The following PNPLA5 variants were observed in gnomAD, a reference collection of about 807,000 sequenced individuals.
PNPLA5 encodes patatin like domain 5, triacylglycerol lipase.
In PNPLA5, 44 loss-of-function variants were observed where a neutral mutation model predicts 49.1. The observed-to-expected ratio is 0.90, with a 90% CI of 0.70 to 1.15. The LOEUF is 1.15. PNPLA5 is among the 50% of genes most tolerant of loss of function. The probability of loss-of-function intolerance (pLI) is 0.00; values close to 1 mark genes in which losing one functional copy is unlikely to be tolerated. For synonymous variants in PNPLA5, 243 were observed against 244.4 expected (o/e 0.99, Z 0.06); for missense variants, 603 against 564.0 (o/e 1.07, Z -0.70).
rs920182625 is a variant in PNPLA5 at position 43,880,347 on chromosome 22, G to T, written c.*448C>A. On this transcript the variant is annotated 3_prime_UTR_variant, in exon 9 of 9. Coordinates refer to ENST00000216177, the MANE Select transcript of PNPLA5 (RefSeq NM_138814.4). ...ATGCCGGGGGTCACCCCCAAGGGCC[G>T]CTGCAGGACTGAGAAAGTCTGGGGG... 3 of 398,428 alleles carry T rather than the reference G, an allele frequency of 7.5e-6. No homozygotes were observed. Among genetic ancestry groups the T allele is most frequent in the East Asian group, 7.1e-5 (2 of 28,062 alleles). 24.7% of individuals were successfully genotyped at this position (398,428 alleles called of 1,614,324 possible). A position where few individuals can be genotyped will look rare whatever the true frequency, so the allele number is the denominator to read the frequency against.
Position 43,891,209 on chromosome 22 carries a change from G to T in PNPLA5, c.279C>A (p.Ile93=). The part of the protein sequence containing the change: ...LSILHPAYAP[I]EHVKQQLQDA... ...CCTGCAGCTGCTGCTTGACGTGCTC[G>T]ATGGGCGCGTAGGCCGGGTGCAGGA... is the stretch of plus-strand genomic sequence containing the variant. The change falls in exon 2 of 9, where the codon ATC becomes ATA. Residue 93 remains isoleucine, a synonymous_variant. Coordinates refer to ENST00000216177, the MANE Select transcript of PNPLA5 (RefSeq NM_138814.4). 1 of 1,582,004 alleles carries T rather than the reference G, an allele frequency of 6.3e-7. No individual in the cohort carries two copies.
rs147288997 is a variant in PNPLA5 at position 43,887,070 on chromosome 22, A to AACACACAC, written c.763+513_763+520dup. Among the ~76,000 whole-genome samples, 798 of 149,570 alleles carry AACACACAC rather than the reference A, an allele frequency of 5.3e-3. 1 individual carries two copies. The highest frequency in any genetic ancestry group is 0.014 in the Middle Eastern group (4 of 286). On this transcript the variant is annotated intron_variant, in intron 5 of 8. Coordinates refer to ENST00000216177, the MANE Select transcript of PNPLA5 (RefSeq NM_138814.4). ...TCTCTGGCACACCCACTGCCCCATG[A>AACACACAC]ACACACACACACACACACACACCCC...
At chr22:43,888,423 C>CT (rs2049689002) in intron 4 of PNPLA5, among the ~76,000 whole-genome samples, 7 of 62,400 alleles carry the variant, frequency 1.1e-4, no homozygotes, top group Admixed American at 4.3e-4. Context: ...TCTTTCTTTC[C>CT]TTCTTTTTTT....
chr22:43,889,115 G>C (rs2049695736), intron 4 of PNPLA5, among the ~76,000 whole-genome samples: 1 of 152,234 alleles, frequency 6.6e-6, no homozygotes, highest in South Asian at 2.1e-4. Context: ...CATGGGGCCA[G>C]TCCTCATTCA....
At chr22:43,886,722 G>A in intron 5 of PNPLA5, 1 of 576,160 alleles carries the variant, frequency 1.7e-6, no homozygotes, top group Non-Finnish European at 2.2e-6. Context: ...ACACAATCCA[G>A]AGTTCGAATT....
At position 43,889,549 on chromosome 22, in the gene PNPLA5, TG is replaced by T; in HGVS notation, c.493-12del. The T allele has an allele frequency of 1.3e-6, 2 of 1,593,584 alleles. No individual in the cohort carries two copies. Among genetic ancestry groups the T allele is most frequent in the Non-Finnish European group, 1.7e-6 (2 of 1,167,832 alleles). The stretch of plus-strand genomic sequence containing the variant: ...CCCATCGATGTAGCGCTGCAATTTG[TG>T]GGGAGCAGGTGGGTGGTGCTGCCCT... On this transcript the variant is annotated splice_polypyrimidine_tract_variant and intron_variant, in intron 3 of 8. Transcript: ENST00000216177.
At position 43,884,276 on chromosome 22, in the gene PNPLA5, A is replaced by G; in HGVS notation, c.1019T>C (p.Val340Ala). Residue 340 changes from valine to alanine, a missense_variant, in exon 7 of 9, where the codon GTG (valine) becomes GCG (alanine). Transcript: ENST00000216177. ...ARFWHSGPGQ[V>A]LTYLLLPCTL... ...GCAGGGTAGCAGCAGGTACGTCAGCACCTGTCCAGGCCCCGAGTGCCAGAA... is the reference window on the plus strand; with the variant it reads ...GCAGGGTAGCAGCAGGTACGTCAGCGCCTGTCCAGGCCCCGAGTGCCAGAA... The G allele has an allele frequency of 6.3e-7, 1 of 1,598,884 alleles. No individual in the cohort carries two copies. The highest frequency in any genetic ancestry group is 8.5e-7 in the Non-Finnish European group (1 of 1,172,630).
intron 8 of PNPLA5, among the ~76,000 whole-genome samples, chr22:43,881,320 C>A (rs1298279859): frequency 6.6e-6 from 1 of 152,222 alleles, no homozygotes; most frequent in Non-Finnish European, 1.5e-5. Flanking sequence ...CCAGTGACTG[C>A]ACCTGGCAGG....
chr22:43,886,650 G>A, intron 5 of PNPLA5, 162 bp from the exon 6 acceptor site: 1 of 959,184 alleles, frequency 1.0e-6, no homozygotes, highest in Non-Finnish European at 1.2e-6. Flanking sequence ...CCTTCCCCTG[G>A]CCCTGCTCTG....
In PNPLA5 at chr22:43,891,835, C is replaced by T. The variant is rs893463576; in HGVS notation, c.46G>A (p.Gly16Ser). Residue 16 changes from glycine to serine, a missense_variant, in exon 1 of 9, where the codon GGC becomes AGC. Coordinates refer to ENST00000216177, the MANE Select transcript of PNPLA5 (RefSeq NM_138814.4). Reference sequence around the variant, plus strand: ...TGGTGGGCGCCCAGGTAGCCGGCGCCGGAGAAGGACAGGTTCCATCTGCCC... The same window carrying T: ...TGGTGGGCGCCCAGGTAGCCGGCGCTGGAGAAGGACAGGTTCCATCTGCCC... ...EEGRWNLSFS[G>S]AGYLGAHHVG... 3.3e-6 allele frequency: 5 copies of T among 1,519,474 alleles called. No individual in the cohort carries two copies. The East Asian group carries it at 1.2e-4, about 38-fold the overall frequency. The allele number at this position is 1,519,474 out of a possible 1,614,324, so 94.1% of individuals were successfully genotyped here. A position where few individuals can be genotyped will look rare whatever the true frequency, so the allele number is the denominator to read the frequency against.
Position 43,884,270 on chromosome 22 carries a change from G to A in PNPLA5, c.1025C>T (p.Thr342Met), listed in dbSNP as rs181818400. 775 of 1,598,240 alleles carry A rather than the reference G, an allele frequency of 4.8e-4. 2 individuals are homozygous for A. The Middle Eastern group carries it at 7.7e-3, about 16-fold the overall frequency. ...FWHSGPGQVLTYLLLPCTLPF... is the reference protein window; with the variant it reads ...FWHSGPGQVLMYLLLPCTLPF... ...CAGTGTGCAGGGTAGCAGCAGGTACGTCAGCACCTGTCCAGGCCCCGAGTG... is the reference window on the plus strand; with the variant it reads ...CAGTGTGCAGGGTAGCAGCAGGTACATCAGCACCTGTCCAGGCCCCGAGTG... The change falls in exon 7 of 9, where the codon ACG becomes ATG. Residue 342 changes from threonine to methionine, a missense_variant. Coordinates refer to ENST00000216177, the MANE Select transcript of PNPLA5 (RefSeq NM_138814.4).
chr22:43,885,853 G>T (rs1356071363), intron 6 of PNPLA5, among the ~76,000 whole-genome samples: 1 of 152,160 alleles, frequency 6.6e-6, no homozygotes, highest in Non-Finnish European at 1.5e-5. Flanking sequence ...GAACAATTCT[G>T]TACTATCCTC....
At chr22:43,887,355 TG>T (rs1291593729) in intron 5 of PNPLA5, among the ~76,000 whole-genome samples, 1 of 152,130 alleles carries the variant, frequency 6.6e-6, no homozygotes, top group Non-Finnish European at 1.5e-5. Flanking sequence ...CCCATCTCCC[TG>T]GGTTGTCTCT....
At chr22:43,882,466 G>C (rs933274956) in intron 7 of PNPLA5, among the ~76,000 whole-genome samples, 2 of 152,218 alleles carry the variant, frequency 1.3e-5, no homozygotes, top group African/African-American at 4.8e-5. Context: ...CTCAAACTAG[G>C]CATGCAGTCC....
chr22:43,887,790 CTCAGGGCAGGAG>C (rs2049681134), intron 4 of PNPLA5, 139 bp from the exon 5 acceptor site: 16 of 1,398,008 alleles, frequency 1.1e-5, no homozygotes, highest in African/African-American at 1.5e-5. Context: ...TTCAACAGGG[CTCAGGGCAGGAG>C]CCTGGGCAGG....
chr22:43,891,961 C>G lies in PNPLA5; in HGVS notation c.-81G>C. The G allele has an allele frequency of 7.3e-7, 1 of 1,373,012 alleles. No homozygotes were observed. Among genetic ancestry groups the G allele is most frequent in the South Asian group, 1.4e-5 (1 of 70,046 alleles). The allele number at this position is 1,373,012 out of a possible 1,614,324, so 85.1% of individuals were successfully genotyped here. ...GATAGGGCCGGGATGCAGCCTTGGA[C>G]GGGGCTGGGCCCAAATGTGGGCTCT... On this transcript the variant is annotated 5_prime_UTR_variant, in exon 1 of 9. Coordinates refer to ENST00000216177, the MANE Select transcript of PNPLA5 (RefSeq NM_138814.4).
intron 7 of PNPLA5, among the ~76,000 whole-genome samples, chr22:43,881,968 A>T (rs977692818): frequency 2.0e-5 from 3 of 152,096 alleles, no homozygotes; most frequent in African/African-American, 7.2e-5. Context: ...GAGAGGGTGG[A>T]CCTTTGGGGT....
intron 6 of PNPLA5, among the ~76,000 whole-genome samples, chr22:43,885,894 A>G (rs1180857066): frequency 6.6e-6 from 1 of 152,088 alleles, no homozygotes; most frequent in African/African-American, 2.4e-5. Flanking sequence ...AAATGAGTTC[A>G]TTTTCATCTG....
At position 43,889,996 on chromosome 22, in the gene PNPLA5, G is replaced by A. The variant is rs1405501173; in HGVS notation, c.427-132C>T. 3.4e-6 allele frequency: 5 copies of A among 1,453,168 alleles called. No individual in the cohort carries two copies. In the East Asian group the frequency reaches 1.1e-4, roughly 32 times the overall value. 90.0% of individuals were successfully genotyped at this position (1,453,168 alleles called of 1,614,324 possible). A position where few individuals can be genotyped will look rare whatever the true frequency, so the allele number is the denominator to read the frequency against. ...AGTCCCACGTCCAGATGAGGGAGCT[G>A]AGGCATCACCTCCCAGCCAAGCTCT... is the stretch of plus-strand genomic sequence containing the variant. On this transcript the variant is annotated intron_variant, in intron 2 of 8. Coordinates refer to ENST00000216177, the MANE Select transcript of PNPLA5 (RefSeq NM_138814.4).
Sources: allele counts gnomAD v4.1 joint callset (sites outside exome capture counted in the v4.1 genomes callset), GRCh38; gene constraint gnomAD v4.1.1; transcripts MANE v1.5; gene names NCBI Gene and HGNC (gene_info 2026-07-23, HGNC 2026-07-21).